Variants in KCNH7 observed in about 807,000 individuals in gnomAD.
KCNH7 encodes potassium voltage-gated channel subfamily H member 7, also known as voltage-gated inwardly rectifying potassium channel KCNH7.
Under a neutral mutation model 120.8 loss-of-function variants are expected in KCNH7, and 49 were observed. That is an observed-to-expected ratio of 0.41 (90% confidence interval 0.32 to 0.51). The LOEUF (loss-of-function observed/expected upper bound fraction) is 0.51, where lower values mean the gene tolerates loss of function less well. Ranked by LOEUF, KCNH7 falls within the 20% of genes least tolerant of loss-of-function variation. KCNH7 has a pLI of 0.38. For missense variants in KCNH7, 1,097 were observed against 1,446.6 expected, an observed-to-expected ratio of 0.76 and a Z score of 3.92; for synonymous variants, 547 against 516.1, an observed-to-expected ratio of 1.06 and a Z score of -0.81.
intron 2 of KCNH7, among the ~76,000 whole-genome samples, chr2:162,829,849 G>T (rs202205170): frequency 1.7e-4 from 23 of 136,106 alleles, no homozygotes; most frequent in South Asian, 2.3e-4. Context: ...AACTTTATCT[G>T]TTTTTTTTTT....
chr2:162,413,373 C>G (rs10168895), intron 9 of KCNH7, among the ~76,000 whole-genome samples: 32 of 152,170 alleles, frequency 2.1e-4, no homozygotes, highest in African/African-American at 7.2e-4. Flanking sequence ...GTGATCCACC[C>G]GCTTTGGCCT....
chr2:162,734,863 A>G (rs544481996), intron 2 of KCNH7, among the ~76,000 whole-genome samples: 1 of 152,264 alleles, frequency 6.6e-6, no homozygotes, highest in Admixed American at 6.5e-5. Flanking sequence ...TAGGGACTGG[A>G]GAGAGTGGTG....
At chr2:162,487,493 A>C (rs1269167047) in intron 6 of KCNH7, among the ~76,000 whole-genome samples, 2 of 152,012 alleles carry the variant, frequency 1.3e-5, no homozygotes, top group African/African-American at 4.8e-5. Flanking sequence ...GAGGAGGGAG[A>C]GGGAGAGTGT....
At chr2:162,724,565 G>T (rs1409753497) in intron 2 of KCNH7, among the ~76,000 whole-genome samples, 4 of 149,932 alleles carry the variant, frequency 2.7e-5, no homozygotes, top group Non-Finnish European at 5.9e-5. Flanking sequence ...CCAGCTACTT[G>T]GGAGGCTGAG....
At chr2:162,608,546 G>T (rs760949541) in intron 2 of KCNH7, among the ~76,000 whole-genome samples, 2 of 152,084 alleles carry the variant, frequency 1.3e-5, no homozygotes, top group Non-Finnish European at 2.9e-5. Context: ...TTAGCATTAG[G>T]AGAAAGGTAT....
At chr2:162,706,283 A>G (rs1306155313) in intron 2 of KCNH7, among the ~76,000 whole-genome samples, 2 of 152,144 alleles carry the variant, frequency 1.3e-5, no homozygotes, top group Non-Finnish European at 2.9e-5. Context: ...GAGAAAATCT[A>G]TAATCTCCAT....
At chr2:162,795,842 T>C (rs1488943018) in intron 2 of KCNH7, 2 of 152,054 alleles carry the variant, frequency 1.3e-5, no homozygotes, top group Non-Finnish European at 1.5e-5. Flanking sequence ...ATTCTCCCTA[T>C]AAACAAATCT....
At position 162,664,188 on chromosome 2, in the gene KCNH7, A is replaced by G. The variant is rs142382613; in HGVS notation, c.308-127108T>C. 1.7e-3 allele frequency among the ~76,000 whole-genome samples: 264 copies of G among 152,214 alleles called. 2 individuals are homozygous for G. The highest frequency in any genetic ancestry group is 6.1e-3 in the African/African-American group (255 of 41,534). On this transcript the variant is annotated intron_variant, in intron 2 of 15. Coordinates refer to ENST00000332142, the MANE Select transcript of KCNH7 (RefSeq NM_033272.4). ...CTGTTTTAAATTCAAGACACCCTTT[A>G]AGAACTTTACAAATGTTATTGACCC...
intron 6 of KCNH7, among the ~76,000 whole-genome samples, chr2:162,460,093 C>CAAAAAAAAAAA (rs575038181): frequency 2.1e-5 from 1 of 47,930 alleles, no homozygotes; most frequent in African/African-American, 5.6e-5. Flanking sequence ...GACTCCATCT[C>CAAAAAAAAAAA]AAAAAAAAAA....
chr2:162,820,278 T>C lies in KCNH7; in HGVS notation c.307+16259A>G, dbSNP rs528643049. On this transcript the variant is annotated intron_variant, in intron 2 of 15. Transcript: ENST00000332142. ...GTTTAGTAGAGACGGGGTTTCACTG[T>C]GTTAGCCAGGATGGTCTCCATCTCC... Among the ~76,000 whole-genome samples the C allele has an allele frequency of 8.6e-3, 1,190 of 138,202 alleles. 19 individuals are homozygous for C. Among genetic ancestry groups the C allele is most frequent in the African/African-American group, 0.03 (1,148 of 38,184 alleles). 90.7% of individuals were successfully genotyped at this position (138,202 alleles called of 152,430 possible). A position where few individuals can be genotyped will look rare whatever the true frequency, so the allele number is the denominator to read the frequency against.
chr2:162,508,728 T>C (rs1235281978), intron 5 of KCNH7, among the ~76,000 whole-genome samples: 1 of 151,532 alleles, frequency 6.6e-6, no homozygotes, highest in Non-Finnish European at 1.5e-5. Flanking sequence ...CAGGGTTTCC[T>C]ACCTCCTAAG....
chr2:162,802,022 A>C (rs1223829214), intron 2 of KCNH7, among the ~76,000 whole-genome samples: 1 of 151,814 alleles, frequency 6.6e-6, no homozygotes, highest in East Asian at 1.9e-4. Flanking sequence ...TTTAGTGTGC[A>C]TCAGAATCAC....
intron 2 of KCNH7, among the ~76,000 whole-genome samples, chr2:162,596,060 G>A (rs570780372): frequency 1.3e-5 from 2 of 152,112 alleles, no homozygotes; most frequent in South Asian, 4.1e-4. Context: ...AATTGAAGAT[G>A]ACAAAATAAG....
chr2:162,791,481 C>G (rs548914745), intron 2 of KCNH7, among the ~76,000 whole-genome samples: 1 of 152,106 alleles, frequency 6.6e-6, no homozygotes, highest in Non-Finnish European at 1.5e-5. Flanking sequence ...TTGTGGTTCT[C>G]CTTGTAGGGA....
At chr2:162,432,191 TTTAATCG>T (rs1469956390) in intron 8 of KCNH7, among the ~76,000 whole-genome samples, 3 of 151,958 alleles carry the variant, frequency 2.0e-5, no homozygotes, top group Non-Finnish European at 2.9e-5. Context: ...TACTATTAGT[TTTAATCG>T]CAAAATGGTT....
intron 2 of KCNH7, among the ~76,000 whole-genome samples, chr2:162,749,880 G>A (rs964413092): frequency 6.6e-6 from 1 of 152,026 alleles, no homozygotes; most frequent in Non-Finnish European, 1.5e-5. Flanking sequence ...CTGAGAGTTG[G>A]GTAAAGCATG....
intron 2 of KCNH7, among the ~76,000 whole-genome samples, chr2:162,630,979 A>G (rs1683746208): frequency 6.6e-6 from 1 of 151,970 alleles, no homozygotes. Flanking sequence ...CCTATCTGTC[A>G]CAGGCCCTAG....
At chr2:162,514,784 A>G (rs1485672202) in intron 4 of KCNH7, among the ~76,000 whole-genome samples, 3 of 151,818 alleles carry the variant, frequency 2.0e-5, no homozygotes, top group African/African-American at 7.2e-5. Flanking sequence ...TTTGAAAAGT[A>G]TGGTTCTAAG....
Position 162,400,304 on chromosome 2 carries a change from G to A in KCNH7, c.2292C>T (p.Thr764=), listed in dbSNP as rs1232995241. The change falls in exon 10 of 16, where the codon ACC becomes ACT. Residue 764 remains threonine (T), a synonymous_variant. Coordinates refer to ENST00000332142, the MANE Select transcript of KCNH7 (RefSeq NM_033272.4). ...LRALAMKFKT[T]HAPPGDTLVH... ...CGAGGGTGTCTCCTGGAGGTGCATG[G>A]GTGGTTTTGAACTTCATTGCCAAAG... The A allele has an allele frequency of 1.9e-6, 3 of 1,612,398 alleles. No individual in the cohort carries two copies. The highest frequency in any genetic ancestry group is 2.5e-6 in the Non-Finnish European group (3 of 1,179,054).
Sources: gnomAD v4.1 joint callset for allele counts (sites outside exome capture counted in the v4.1 genomes callset) on GRCh38, gnomAD v4.1.1 for gene constraint, MANE v1.5 for transcripts, NCBI Gene and HGNC (gene_info 2026-07-23, HGNC 2026-07-21) for gene names.